Variants in AHRR observed in about 807,000 individuals in gnomAD.
AHRR encodes ahR repressor.
In AHRR, 28 loss-of-function variants were observed where a neutral mutation model predicts 44.0. That is an observed-to-expected ratio of 0.64 (90% confidence interval 0.47 to 0.87). The LOEUF (loss-of-function observed/expected upper bound fraction) is 0.87. AHRR is among the 40% of genes least tolerant of loss of function. AHRR has a pLI of 0.00. For missense variants in AHRR, 990 were observed against 953.9 expected (o/e 1.04, Z -0.50); for synonymous variants, 434 against 407.0 (o/e 1.07, Z -0.80).
In AHRR at chr5:433,848, T is replaced by C; in HGVS notation, c.1113-5T>C. ...TGTCAAATGGGCCCCGTCTTTTCTC[T>C]GCAGGGACAGGGAGGAGGAGCAGCA... On this transcript the variant is annotated splice_region_variant and splice_polypyrimidine_tract_variant and intron_variant, in intron 10 of 10. Transcript: ENST00000684583. 3 of 1,489,462 alleles carry C rather than the reference T, an allele frequency of 2.0e-6. No individual in the cohort carries two copies. The highest frequency in any genetic ancestry group is 1.4e-5 in the South Asian group (1 of 71,386). 92.3% of individuals were successfully genotyped at this position (1,489,462 alleles called of 1,614,324 possible).
intron 3 of AHRR, among the ~76,000 whole-genome samples, chr5:362,475 T>C (rs1008937490): frequency 1.3e-5 from 2 of 152,192 alleles, no homozygotes; most frequent in South Asian, 4.1e-4. Context: ...GCTCCAACCC[T>C]TTCCCTCACC....
chr5:416,249 G>T (rs2126520389), intron 5 of AHRR, among the ~76,000 whole-genome samples: 1 of 152,368 alleles, frequency 6.6e-6, no homozygotes, highest in South Asian at 2.1e-4. Flanking sequence ...CGCAGTGCAG[G>T]GTGGAGACAC....
At chr5:400,099 A>G (rs1387003527) in intron 4 of AHRR, among the ~76,000 whole-genome samples, 3 of 152,138 alleles carry the variant, frequency 2.0e-5, no homozygotes, top group Non-Finnish European at 4.4e-5. Flanking sequence ...AACCGTGGCA[A>G]CGGCTCTCAG....
At chr5:351,957 C>G (rs188772055) in intron 2 of AHRR, among the ~76,000 whole-genome samples, 1 of 152,334 alleles carries the variant, frequency 6.6e-6, no homozygotes, top group Admixed American at 6.5e-5. Flanking sequence ...GACCCAAACC[C>G]CTGGAAACAG....
At chr5:343,988 G>A (rs1381474765) in intron 2 of AHRR, 24 bp downstream of exon 2, 1 of 1,590,296 alleles carries the variant, frequency 6.3e-7, no homozygotes. Context: ...CCTTCTGCTT[G>A]TGTGGGTTGT....
At chr5:333,727 T>C (rs1031301239) in intron 1 of AHRR, among the ~76,000 whole-genome samples, 5 of 152,226 alleles carry the variant, frequency 3.3e-5, no homozygotes, top group Non-Finnish European at 5.9e-5. Flanking sequence ...TTTCTTTCTT[T>C]TCCTCTGGCT....
chr5:384,873 C>T (rs1202783860), intron 4 of AHRR, among the ~76,000 whole-genome samples: 3 of 151,918 alleles, frequency 2.0e-5, no homozygotes, highest in African/African-American at 7.3e-5. Context: ...AGGCCGGGCG[C>T]GGTGGCTCAT....
In AHRR at chr5:415,509, GGGTGGGA is replaced by G. The variant is rs1560916090; in HGVS notation, c.441+2079_441+2085del. Among the ~76,000 whole-genome samples, 14 of 58,102 alleles carry G rather than the reference GGGTGGGA, an allele frequency of 2.4e-4. 1 individual carries two copies. The highest frequency in any genetic ancestry group is 4.3e-4 in the Non-Finnish European group (9 of 20,694). The allele number at this position is 58,102 out of a possible 152,430, so 38.1% of individuals were successfully genotyped here. A position where few individuals can be genotyped will look rare whatever the true frequency, so the allele number is the denominator to read the frequency against. Reference sequence around the variant, plus strand: ...GCCTAGGGGCCGAGTCTCCCTGGTCGGGTGGGAGGCCTAGGGGCCGAGTCTGCCTGGT... The same window carrying G: ...GCCTAGGGGCCGAGTCTCCCTGGTCGGGCCTAGGGGCCGAGTCTGCCTGGT... On this transcript the variant is annotated intron_variant, in intron 5 of 10. Transcript: ENST00000684583.
intron 1 of AHRR, among the ~76,000 whole-genome samples, chr5:325,324 C>T (rs904030194): frequency 7.2e-5 from 11 of 152,180 alleles, no homozygotes; most frequent in South Asian, 4.1e-4. Context: ...TCCTTGACCT[C>T]AAGGGGTGGT....
intron 2 of AHRR, among the ~76,000 whole-genome samples, chr5:344,273 G>A (rs1287466313): frequency 1.3e-5 from 2 of 151,076 alleles, no homozygotes; most frequent in South Asian, 2.1e-4. Flanking sequence ...AGGCGGAGGC[G>A]GCGGGGCCAC....
intron 3 of AHRR, 88 bp from the exon 4 acceptor site, chr5:376,522 C>T (rs1469523432): frequency 1.2e-5 from 17 of 1,403,196 alleles, no homozygotes; most frequent in African/African-American, 1.5e-5. Flanking sequence ...GTGGGGTGAA[C>T]GCGGGGAAAC....
At chr5:413,479 G>C (rs2261659) in intron 5 of AHRR, 46 bp downstream of exon 5, 584,375 of 1,367,984 alleles carry the variant, frequency 0.43, 129,589 homozygotes, top group African/African-American at 0.52. Context: ...GTGCTATGTT[G>C]TCTTCCCTTT....
At chr5:341,532 C>T (rs1436292442) in intron 1 of AHRR, among the ~76,000 whole-genome samples, 8 of 103,744 alleles carry the variant, frequency 7.7e-5, no homozygotes, top group Admixed American at 2.0e-4. Context: ...CCTTTTCCTT[C>T]TTTTTTTTTT....
chr5:396,854 C>T (rs1470096304), intron 4 of AHRR, among the ~76,000 whole-genome samples: 1 of 150,510 alleles, frequency 6.6e-6, no homozygotes, highest in Non-Finnish European at 1.5e-5. Context: ...AGGCTGGGGA[C>T]CCCCGCCCAG....
At chr5:362,370 C>G (rs952387920) in intron 3 of AHRR, among the ~76,000 whole-genome samples, 5 of 152,208 alleles carry the variant, frequency 3.3e-5, no homozygotes, top group Admixed American at 6.5e-5. Context: ...AGGCAAGCCC[C>G]CATGGCAGGG....
chr5:385,375 A>G (rs1008796460), intron 4 of AHRR, among the ~76,000 whole-genome samples: 12 of 151,880 alleles, frequency 7.9e-5, no homozygotes, highest in Non-Finnish European at 1.3e-4. Context: ...CAGGGTTGCT[A>G]TGTTGCCCAG....
At chr5:389,959 A>G (rs1261694814) in intron 4 of AHRR, among the ~76,000 whole-genome samples, 5 of 133,940 alleles carry the variant, frequency 3.7e-5, no homozygotes, top group Admixed American at 7.4e-5. Context: ...GGGGGAGGGG[A>G]GACAGGACAG....
At position 326,703 on chromosome 5, in the gene AHRR, A is replaced by G. The variant is rs1473325694; in HGVS notation, c.-11+4884A>G. Among the ~76,000 whole-genome samples, 2 of 152,158 alleles carry G rather than the reference A, an allele frequency of 1.3e-5. No homozygotes were observed. The highest frequency in any genetic ancestry group is 2.1e-4 in the South Asian group (1 of 4,824). On this transcript the variant is annotated intron_variant, in intron 1 of 10. Transcript: ENST00000684583. This position sits in a 1 kb window ranked among gnomAD's most constrained non-coding sequence, Gnocchi z 4.1. ...GCACCATTTTACATTTTCACCAGCA[A>G]TGCACCAGAAACAGTTCCAATTTCT... is the stretch of plus-strand genomic sequence containing the variant.
intron 5 of AHRR, chr5:418,888 G>A (rs114666121): frequency 0.015 from 2,284 of 152,962 alleles, 36 homozygotes; most frequent in African/African-American, 0.041. Flanking sequence ...TGGCGCAAGC[G>A]CAGGTCTTGG....
Sources: gnomAD v4.1 joint callset for allele counts (sites outside exome capture counted in the v4.1 genomes callset) on GRCh38, gnomAD v4.1.1 for gene constraint, Gnocchi (gnomAD v3.1) non-coding constraint, MANE v1.5 for transcripts, NCBI Gene and HGNC (gene_info 2026-07-23, HGNC 2026-07-21) for gene names.